Variants in CNTN6 observed in about 807,000 individuals in gnomAD.
The protein encoded by CNTN6 is contactin-6.
Under a neutral mutation model 122.8 loss-of-function variants are expected in CNTN6, and 137 were observed. The observed-to-expected ratio is 1.12, with a 90% CI of 0.97 to 1.29. The LOEUF (loss-of-function observed/expected upper bound fraction) is 1.29. Among genes scored for constraint, CNTN6 ranks in the 50% most tolerant of loss-of-function variants. CNTN6 has a pLI of 0.00. For missense variants in CNTN6, 1,634 were observed against 1,223.4 expected (o/e 1.34, Z -5.01); for synonymous variants, 570 against 426.0 (o/e 1.34, Z -4.16).
At chr3:1,258,941 G>A (rs1389227726) in intron 4 of CNTN6, among the ~76,000 whole-genome samples, 1 of 152,102 alleles carries the variant, frequency 6.6e-6, no homozygotes, top group Non-Finnish European at 1.5e-5. Flanking sequence ...TAGTAAATAT[G>A]TTTGATTTTC....
At chr3:1,396,008 C>CT (rs1694942850) in intron 20 of CNTN6, among the ~76,000 whole-genome samples, 1 of 152,150 alleles carries the variant, frequency 6.6e-6, no homozygotes, top group African/African-American at 2.4e-5. Flanking sequence ...CTCTCCCTGA[C>CT]TGTCAAATCC....
chr3:1,386,202 T>TGAAA (rs1283107188), intron 20 of CNTN6, among the ~76,000 whole-genome samples: 1 of 152,012 alleles, frequency 6.6e-6, no homozygotes, highest in African/African-American at 2.4e-5. Flanking sequence ...TGTTCAAGAT[T>TGAAA]GAAAGAGATT....
intron 1 of CNTN6, among the ~76,000 whole-genome samples, chr3:1,109,713 C>T (rs2091390178): frequency 6.6e-6 from 1 of 151,804 alleles, no homozygotes; most frequent in Admixed American, 6.6e-5. Flanking sequence ...TATTTTTACC[C>T]AAGTTGTTGA....
intron 12 of CNTN6, among the ~76,000 whole-genome samples, chr3:1,359,940 A>T (rs1242146780): frequency 6.6e-6 from 1 of 151,932 alleles, no homozygotes; most frequent in Non-Finnish European, 1.5e-5. Flanking sequence ...TCATTTCCCA[A>T]ATCTATCTCA....
At chr3:1,133,734 A>G (rs571898173) in intron 1 of CNTN6, among the ~76,000 whole-genome samples, 1 of 152,306 alleles carries the variant, frequency 6.6e-6, no homozygotes, top group South Asian at 2.1e-4. Flanking sequence ...ATAAACTCCT[A>G]GATTAGGTTG....
At chr3:1,304,987 C>CAAAA (rs4065396) in intron 7 of CNTN6, among the ~76,000 whole-genome samples, 2,272 of 103,060 alleles carry the variant, frequency 0.022, 99 homozygotes, top group Non-Finnish European at 0.03. Context: ...GAGACTCTGT[C>CAAAA]AAAAAAAAAA....
intron 11 of CNTN6, among the ~76,000 whole-genome samples, chr3:1,350,280 G>A (rs146882607): frequency 5.9e-5 from 9 of 151,798 alleles, no homozygotes; most frequent in South Asian, 2.1e-4. Context: ...TATCTTTAGG[G>A]CATCTAGTGA....
intron 11 of CNTN6, among the ~76,000 whole-genome samples, chr3:1,341,137 G>T (rs1477683550): frequency 6.6e-6 from 1 of 151,044 alleles, no homozygotes; most frequent in Non-Finnish European, 1.5e-5. Flanking sequence ...CTCCTCTATT[G>T]TATTTTCAAT....
chr3:1,101,602 C>A (rs1264722623), intron 1 of CNTN6, among the ~76,000 whole-genome samples: 4 of 152,088 alleles, frequency 2.6e-5, no homozygotes, highest in Admixed American at 2.6e-4. Context: ...TTGTAATAGG[C>A]AATGGAACAT....
At chr3:1,097,565 G>A (rs1156931655) in intron 1 of CNTN6, among the ~76,000 whole-genome samples, 1 of 152,182 alleles carries the variant, frequency 6.6e-6, no homozygotes, top group Non-Finnish European at 1.5e-5. Context: ...CTCTTGAGCT[G>A]AAGTGCCGCC....
chr3:1,354,918 AG>A (rs1400249594), intron 12 of CNTN6, among the ~76,000 whole-genome samples: 1 of 151,478 alleles, frequency 6.6e-6, no homozygotes, highest in Non-Finnish European at 1.5e-5. Flanking sequence ...CACTCTCCTA[AG>A]GGGGTACAAG....
At chr3:1,137,761 A>G (rs1470503333) in intron 1 of CNTN6, among the ~76,000 whole-genome samples, 1 of 152,198 alleles carries the variant, frequency 6.6e-6, no homozygotes, top group Non-Finnish European at 1.5e-5. Context: ...TTCTAAAGTC[A>G]CAAAGCTATT....
At chr3:1,363,918 G>T (rs1045037743) in intron 12 of CNTN6, among the ~76,000 whole-genome samples, 4 of 151,864 alleles carry the variant, frequency 2.6e-5, no homozygotes, top group Non-Finnish European at 4.4e-5. Context: ...CTAGATAACA[G>T]TCATCTCTTG....
intron 7 of CNTN6, among the ~76,000 whole-genome samples, chr3:1,301,783 G>C (rs1559759944): frequency 6.6e-6 from 1 of 152,198 alleles, no homozygotes; most frequent in Non-Finnish European, 1.5e-5. Flanking sequence ...TGTAGTTGGA[G>C]TGCAGATACA....
chr3:1,358,383 G>T (rs1706927654), intron 12 of CNTN6, among the ~76,000 whole-genome samples: 1 of 151,528 alleles, frequency 6.6e-6, no homozygotes, highest in South Asian at 2.1e-4. Context: ...GACCGTAAAA[G>T]AAGCAATTAG....
rs4684081 is a variant in CNTN6, at chr3:1,203,846, A to G, written c.56-16841A>G. Among the ~76,000 whole-genome samples the G allele has an allele frequency of 5.4e-3, 820 of 152,220 alleles. 7 individuals are homozygous for G. The highest frequency in any genetic ancestry group is 0.019 in the African/African-American group (789 of 41,556). On this transcript the variant is annotated intron_variant, in intron 2 of 22. Transcript: ENST00000446702. Reference sequence around the variant, plus strand: ...GACTCCCCCCTATGAGATGGTGGTAACTTAGGATTATAATACCTTTTCTAT... The same window carrying G: ...GACTCCCCCCTATGAGATGGTGGTAGCTTAGGATTATAATACCTTTTCTAT...
At chr3:1,354,037 A>C (rs1173947701) in intron 12 of CNTN6, among the ~76,000 whole-genome samples, 1 of 151,480 alleles carries the variant, frequency 6.6e-6, no homozygotes, top group Non-Finnish European at 1.5e-5. Flanking sequence ...GATTGAACTG[A>C]ATGAATAGGC....
intron 1 of CNTN6, among the ~76,000 whole-genome samples, chr3:1,114,345 G>A (rs541729929): frequency 6.6e-6 from 1 of 152,280 alleles, no homozygotes; most frequent in East Asian, 1.9e-4. Flanking sequence ...CTCATCCTAT[G>A]AATCAAGCCT....
rs1486849078 is a variant in CNTN6 at position 1,160,365 on chromosome 3, T to TATATATATATATATATATATATATAC, written c.55+12305_55+12306insTATATATATATATATATATATACATA. On this transcript the variant is annotated intron_variant, in intron 2 of 22. Coordinates refer to ENST00000446702, the MANE Select transcript of CNTN6 (RefSeq NM_001289080.2). ...TACTGTATATATATATATATATATA[T>TATATATATATATATATATATATATAC]ATACACACTACCTATATGGTCATTT... Among the ~76,000 whole-genome samples the TATATATATATATATATATATATATAC allele has an allele frequency of 4.1e-3, 543 of 132,942 alleles. 14 individuals are homozygous for TATATATATATATATATATATATATAC. Among genetic ancestry groups the TATATATATATATATATATATATATAC allele is most frequent in the African/African-American group, 0.015 (498 of 34,102 alleles). 87.2% of individuals were successfully genotyped at this position (132,942 alleles called of 152,430 possible).
Sources: gnomAD v4.1 joint callset for allele counts (sites outside exome capture counted in the v4.1 genomes callset) on GRCh38, gnomAD v4.1.1 for gene constraint, MANE v1.5 for transcripts, NCBI Gene and HGNC (gene_info 2026-07-23, HGNC 2026-07-21) for gene names.